Variants in HEMK2 observed in about 807,000 individuals in gnomAD.
The protein encoded by HEMK2 is methyltransferase HEMK2.
chr21:28,873,435 T>C, the HEMK2 span: 1 of 152,220 alleles, frequency 6.6e-6, no homozygotes, highest in South Asian at 2.1e-4. Flanking sequence ...GGTCATATGA[T>C]CAAAGCTAGT....
chr21:28,820,526 T>C, the HEMK2 span, among the ~76,000 whole-genome samples: 1 of 152,180 alleles, frequency 6.6e-6, no homozygotes, highest in African/African-American at 2.4e-5. Context: ...AAATCATTTA[T>C]TATCCCCCTA....
chr21:28,692,123 T>C, the HEMK2 span, among the ~76,000 whole-genome samples: 5 of 152,194 alleles, frequency 3.3e-5, no homozygotes, highest in African/African-American at 1.2e-4. Context: ...ACCCACTTTA[T>C]CTAAAAGATT....
At chr21:28,775,225 T>A in the HEMK2 span, among the ~76,000 whole-genome samples, 1 of 152,192 alleles carries the variant, frequency 6.6e-6, no homozygotes, top group Non-Finnish European at 1.5e-5. Flanking sequence ...TGGCATTTAC[T>A]GAAATTGAAA....
At chr21:28,581,266 A>C in the HEMK2 span, among the ~76,000 whole-genome samples, 1 of 151,964 alleles carries the variant, frequency 6.6e-6, no homozygotes, top group Non-Finnish European at 1.5e-5. Flanking sequence ...GGAACAAAAG[A>C]AGCCTAGGAT....
chr21:28,686,638 A>G, the HEMK2 span, among the ~76,000 whole-genome samples: 8 of 152,342 alleles, frequency 5.3e-5, no homozygotes, highest in African/African-American at 1.7e-4. Context: ...AGTTTATACT[A>G]TTTGTTCTGT....
chr21:28,849,041 T>A, the HEMK2 span, among the ~76,000 whole-genome samples: 1 of 152,186 alleles, frequency 6.6e-6, no homozygotes, highest in Non-Finnish European at 1.5e-5. Flanking sequence ...ATGTGTGAGT[T>A]AGCACAGATC....
At chr21:28,631,384 A>G in the HEMK2 span, among the ~76,000 whole-genome samples, 1 of 152,206 alleles carries the variant, frequency 6.6e-6, no homozygotes, top group African/African-American at 2.4e-5. Context: ...TGCTTGGTCA[A>G]CCAGGATTCT....
At chr21:28,791,025 C>T in the HEMK2 span, among the ~76,000 whole-genome samples, 3 of 151,692 alleles carry the variant, frequency 2.0e-5, no homozygotes, top group Non-Finnish European at 4.4e-5. Flanking sequence ...AAAGAAACAC[C>T]CTTGATTGAC....
the HEMK2 span, among the ~76,000 whole-genome samples, chr21:28,718,617 T>TA: frequency 3.1e-4 from 46 of 150,152 alleles, no homozygotes; most frequent in East Asian, 5.8e-4. Context: ...ATCTCCACTT[T>TA]AAAAAAAAAA....
the HEMK2 span, among the ~76,000 whole-genome samples, chr21:28,862,341 T>A: frequency 4.5e-3 from 678 of 151,000 alleles, 33 homozygotes; most frequent in African/African-American, 0.016. Flanking sequence ...ACAGAATGAG[T>A]AGTAGAAGAA....
the HEMK2 span, among the ~76,000 whole-genome samples, chr21:28,705,063 C>G: frequency 6.6e-6 from 1 of 152,166 alleles, no homozygotes; most frequent in Non-Finnish European, 1.5e-5. Flanking sequence ...AACAAAATTA[C>G]GTGAGGGTGA....
At chr21:28,796,856 C>T in the HEMK2 span, among the ~76,000 whole-genome samples, 3 of 152,212 alleles carry the variant, frequency 2.0e-5, no homozygotes, top group African/African-American at 4.8e-5. Context: ...GGACATGAAC[C>T]ACTGCACTTG....
the HEMK2 span, among the ~76,000 whole-genome samples, chr21:28,835,278 T>A: frequency 6.6e-6 from 1 of 152,090 alleles, no homozygotes; most frequent in East Asian, 1.9e-4. Flanking sequence ...GGCACTGGTA[T>A]CCATGGCTGA....
chr21:28,723,659 T>G, the HEMK2 span, among the ~76,000 whole-genome samples: 9 of 152,192 alleles, frequency 5.9e-5, no homozygotes, highest in Non-Finnish European at 1.0e-4. Flanking sequence ...TTGGAGCTTG[T>G]TTCTTCATCA....
the HEMK2 span, chr21:28,883,199 A>T: frequency 3.9e-6 from 2 of 510,178 alleles, no homozygotes; most frequent in African/African-American, 4.0e-5. Context: ...AATATATGAA[A>T]ATAGAAATTT....
the HEMK2 span, among the ~76,000 whole-genome samples, chr21:28,778,872 T>C: frequency 2.6e-5 from 4 of 152,180 alleles, no homozygotes; most frequent in Non-Finnish European, 5.9e-5. Flanking sequence ...TTTCTCCCAG[T>C]CTATATATTA....
At chr21:28,814,714 T>TA in the HEMK2 span, among the ~76,000 whole-genome samples, 17 of 152,082 alleles carry the variant, frequency 1.1e-4, no homozygotes, top group African/African-American at 9.7e-5. Context: ...TGGCTATCAT[T>TA]AAAAAATCAG....
At chr21:28,819,595 A>G in the HEMK2 span, among the ~76,000 whole-genome samples, 1 of 128,438 alleles carries the variant, frequency 7.8e-6, no homozygotes, top group Non-Finnish European at 1.5e-5. Context: ...GCCAGGCTGG[A>G]GTGTGCAGTG....
the HEMK2 span, among the ~76,000 whole-genome samples, chr21:28,713,459 T>C: frequency 6.6e-6 from 1 of 152,194 alleles, no homozygotes; most frequent in East Asian, 1.9e-4. Flanking sequence ...TCACTCATTC[T>C]TGATGCTCCA....
Sources: allele counts gnomAD v4.1 joint callset (sites outside exome capture counted in the v4.1 genomes callset), GRCh38; gene constraint gnomAD v4.1.1; transcripts MANE v1.5; gene names NCBI Gene and HGNC (gene_info 2026-07-23, HGNC 2026-07-21).